GABRQ: variants seen among roughly 807,000 people sequenced by gnomAD.
GABRQ encodes the protein gamma-aminobutyric acid receptor subunit theta.
GABRQ carries 19 observed loss-of-function variants against 30.5 expected under a neutral mutation model. That is an observed-to-expected ratio of 0.62 (90% CI 0.43 to 0.91). The LOEUF (loss-of-function observed/expected upper bound fraction) is 0.91. Among genes scored for constraint, GABRQ ranks in the 40% least tolerant of loss-of-function variants. The pLI, the probability that GABRQ is intolerant of heterozygous loss-of-function variation, is 0.00. For synonymous variants in GABRQ, 187 were observed against 210.2 expected (o/e 0.89, Z 0.95); for missense variants, 520 against 521.4 (o/e 1.00, Z 0.03).
At position 152,654,431 on chromosome X, in the gene GABRQ, A is replaced by G. The variant is rs782068030; in HGVS notation, c.*1150A>G. 3.6e-5 allele frequency: 4 copies of G among 111,849 alleles called. No homozygotes were observed. The highest frequency in any genetic ancestry group is 7.5e-5 in the Non-Finnish European group (4 of 53,154). 9.2% of individuals were successfully genotyped at this position (111,849 alleles called of 1,213,427 possible). ...GGAAAACGAATGGAGCTTATGCCGC[A>G]TGCTTGAGGACATGCAGCCAGTGAG... On this transcript the variant is annotated 3_prime_UTR_variant, in exon 9 of 9. Coordinates refer to ENST00000598523, the MANE Select transcript of GABRQ (RefSeq NM_018558.4).
In GABRQ at chrX:152,655,552, A is replaced by C. The variant is rs1931133484; in HGVS notation, c.*2271A>C. 2.7e-5 allele frequency: 3 copies of C among 112,436 alleles called. No individual in the cohort carries two copies. The highest frequency in any genetic ancestry group is 5.6e-5 in the Non-Finnish European group (3 of 53,319). The allele number at this position is 112,436 out of a possible 1,213,427, so 9.3% of individuals were successfully genotyped here. The stretch of plus-strand genomic sequence containing the variant: ...CACTTGTACAGTCACATACACATAC[A>C]CACACACAAATCTTGTACGACAGTT... On this transcript the variant is annotated 3_prime_UTR_variant, in exon 9 of 9. Coordinates refer to ENST00000598523, the MANE Select transcript of GABRQ (RefSeq NM_018558.4).
chrX:152,647,086 A>C lies in GABRQ; in HGVS notation c.445A>C (p.Lys149Gln), dbSNP rs898928431. The stretch of plus-strand genomic sequence containing the variant: ...CCCTGACTGCTACTTTCTGAACAGC[A>C]AGGATGCTTTCGTGCATGATGTGAC... ...WVPDCYFLNS[K>Q]DAFVHDVTVE... Residue 149 changes from lysine (K) to glutamine (Q), a missense_variant, in exon 4 of 9, where the codon AAG (lysine) becomes CAG (glutamine). By Grantham distance (53) the Lys-to-Gln change is moderately conservative. Coordinates refer to ENST00000598523, the MANE Select transcript of GABRQ (RefSeq NM_018558.4). The C allele has an allele frequency of 8.3e-7, 1 of 1,210,646 alleles. No homozygotes were observed. The highest frequency in any genetic ancestry group is 1.1e-6 in the Non-Finnish European group (1 of 894,414).
chrX:152,653,127 GC>G lies in GABRQ; in HGVS notation c.1751del (p.Pro584GlnfsTer109). On this transcript the variant is annotated frameshift_variant, in exon 9 of 9. Coordinates refer to ENST00000598523, the MANE Select transcript of GABRQ (RefSeq NM_018558.4). LOFTEE classifies it low-confidence loss of function (END_TRUNC). Reference sequence around the variant, plus strand: ...AGTAGCTCAGAGTCTGAGGATAGTTGCCCCCCAAGCCCTGGGTGCTCCTTCA... The same window carrying G: ...AGTAGCTCAGAGTCTGAGGATAGTTGCCCCCAAGCCCTGGGTGCTCCTTCA... ...KDSSSESEDS[C>X]PPSPGCSFTE... is the part of the protein sequence containing the mutation. 1 of 1,210,850 alleles carries G rather than the reference GC, an allele frequency of 8.3e-7. No homozygotes were observed. The highest frequency in any genetic ancestry group is 1.1e-6 in the Non-Finnish European group (1 of 894,528).
At chrX:152,645,416 A>G in intron 2 of GABRQ, 111 bp from the exon 3 acceptor site, 1 of 515,940 alleles carries the variant, frequency 1.9e-6, no homozygotes, top group Admixed American at 2.5e-5. Flanking sequence ...ACTCAGGATC[A>G]CACAACTAAC....
At chrX:152,645,805 A>G (rs781865282) in intron 3 of GABRQ, among the ~76,000 whole-genome samples, 1 of 112,841 alleles carries the variant, frequency 8.9e-6, no homozygotes, top group South Asian at 3.7e-4. Context: ...CAGATGGATT[A>G]TAGACTTAAA....
Position 152,647,162 on chromosome X carries a change from G to A in GABRQ, c.521G>A (p.Gly174Asp). 1.7e-6 allele frequency: 2 copies of A among 1,190,332 alleles called. No homozygotes were observed. Among genetic ancestry groups the A allele is most frequent in the Non-Finnish European group, 2.3e-6 (2 of 876,089 alleles). ...CACCCAGATGGAACGGTGCGGTACG[G>A]CATCCGGTGAGTCCCCTAGGGGTCT... ...QLHPDGTVRY[G>D]IRLTTTAACS... is the part of the protein sequence containing the mutation. Residue 174 changes from glycine to aspartate, a missense_variant, in exon 4 of 9, where the codon GGC (glycine) becomes GAC (aspartate). By Grantham distance (94) the Gly-to-Asp change is moderately conservative (BLOSUM62 -1). Transcript: ENST00000598523.
rs370072058 is a variant in GABRQ at position 152,637,957 on chromosome X, G to T, written c.-246G>T. ...CGCAGCTGCCGGGCGGGCCCTGGGG[G>T]GAGCTGCGTCCAGCAGAGCTGCTGG... is the stretch of plus-strand genomic sequence containing the variant. On this transcript the variant is annotated 5_prime_UTR_variant, in exon 1 of 9. Coordinates refer to ENST00000598523, the MANE Select transcript of GABRQ (RefSeq NM_018558.4). 2.6e-5 allele frequency among the ~76,000 whole-genome samples: 3 copies of T among 113,379 alleles called. No homozygotes were observed. Among genetic ancestry groups the T allele is most frequent in the Admixed American group, 1.8e-4 (2 of 10,881 alleles).
At position 152,647,110 on chromosome X, in the gene GABRQ, A is replaced by G. The variant is rs1930908353; in HGVS notation, c.469A>G (p.Thr157Ala). 8.3e-7 allele frequency: 1 copy of G among 1,209,441 alleles called. No individual in the cohort carries two copies. The highest frequency in any genetic ancestry group is 1.8e-5 in the African/African-American group (1 of 57,132). ...CAAGGATGCTTTCGTGCATGATGTGACTGTGGAGAATCGCGTGTTTCAGCT... is the reference window on the plus strand; with the variant it reads ...CAAGGATGCTTTCGTGCATGATGTGGCTGTGGAGAATCGCGTGTTTCAGCT... ...NSKDAFVHDV[T>A]VENRVFQLHP... The change falls in exon 4 of 9, where the codon ACT becomes GCT. Residue 157 changes from threonine to alanine, a missense_variant. Transcript: ENST00000598523.
At position 152,653,192 on chromosome X, in the gene GABRQ, G is replaced by A. The variant is rs782740545; in HGVS notation, c.1810G>A (p.Val604Ile). Reference protein sequence around the residue: ...FSFDLFNPDYVPKVDKWSRFL... With the variant: ...FSFDLFNPDYIPKVDKWSRFL... ...CTTCGATCTCTTTAATCCTGACTACGTCCCAAAGGTCGACAAGTGGTCCCG... is the reference window on the plus strand; with the variant it reads ...CTTCGATCTCTTTAATCCTGACTACATCCCAAAGGTCGACAAGTGGTCCCG... Residue 604 changes from valine to isoleucine, a missense_variant, in exon 9 of 9, where the codon GTC becomes ATC. Coordinates refer to ENST00000598523, the MANE Select transcript of GABRQ (RefSeq NM_018558.4). 7.5e-6 allele frequency: 9 copies of A among 1,206,561 alleles called. No individual in the cohort carries two copies. Among genetic ancestry groups the A allele is most frequent in the African/African-American group, 5.3e-5 (3 of 56,960 alleles).
intron 6 of GABRQ, 81 bp downstream of exon 6, chrX:152,649,960 T>A: frequency 1.3e-6 from 1 of 783,210 alleles, no homozygotes; most frequent in Non-Finnish European, 1.9e-6. Flanking sequence ...TGATTTTGGC[T>A]CCTATTCTCT....
Position 152,645,476 on chromosome X carries a change from C to T in GABRQ, c.239-51C>T, listed in dbSNP as rs1310296865. On this transcript the variant is annotated intron_variant, in intron 2 of 8. Transcript: ENST00000598523. ...AGGCAGCCTGGCTCCCAAGTTTATG[C>T]TCTTAACCTTTATTCTACCTTTCGT... 3.8e-6 allele frequency: 3 copies of T among 795,094 alleles called. No homozygotes were observed. The African/African-American group carries it at 6.0e-5, about 16-fold the overall frequency. 65.5% of individuals were successfully genotyped at this position (795,094 alleles called of 1,213,427 possible). A position where few individuals can be genotyped will look rare whatever the true frequency, so the allele number is the denominator to read the frequency against.
Position 152,652,839 on chromosome X carries a change from T to G in GABRQ, c.1457T>G (p.Val486Gly), listed in dbSNP as rs782397568. The change falls in exon 9 of 9, where the codon GTC becomes GGC. Residue 486 changes from valine (V) to glycine (G), a missense_variant. Val to Gly is a moderately radical substitution (Grantham distance 109). Coordinates refer to ENST00000598523, the MANE Select transcript of GABRQ (RefSeq NM_018558.4). ...SIIPTEIRNR[V>G]EAHGHGVTHD... Reference sequence around the variant, plus strand: ...ATTCCTACCGAAATCCGCAACCGTGTCGAAGCCCATGGCCATGGTGTTACC... The same window carrying G: ...ATTCCTACCGAAATCCGCAACCGTGGCGAAGCCCATGGCCATGGTGTTACC... 2 of 1,210,489 alleles carry G rather than the reference T, an allele frequency of 1.7e-6. No individual in the cohort carries two copies. Among genetic ancestry groups the G allele is most frequent in the Middle Eastern group, 2.3e-4 (1 of 4,354 alleles).
At chrX:152,642,790 G>A in intron 2 of GABRQ, among the ~76,000 whole-genome samples, 1 of 111,676 alleles carries the variant, frequency 9.0e-6, no homozygotes, top group Non-Finnish European at 1.9e-5. Flanking sequence ...TCCTTATCAG[G>A]ACGTTTCTCA....
intron 2 of GABRQ, among the ~76,000 whole-genome samples, chrX:152,643,692 A>G (rs1457922499): frequency 1.8e-5 from 2 of 112,355 alleles, no homozygotes; most frequent in African/African-American, 6.5e-5. Context: ...CACTAACACA[A>G]ACATTCACAC....
rs182192890 is a variant in GABRQ, at chrX:152,654,374, G to A, written c.*1093G>A. 6 of 112,143 alleles carry A rather than the reference G, an allele frequency of 5.4e-5. No individual in the cohort carries two copies. Among genetic ancestry groups the A allele is most frequent in the Non-Finnish European group, 9.4e-5 (5 of 53,183 alleles). 9.2% of individuals were successfully genotyped at this position (112,143 alleles called of 1,213,427 possible). A position where few individuals can be genotyped will look rare whatever the true frequency, so the allele number is the denominator to read the frequency against. ...CCTCACAGGAGCCCTGTAAGCCAGGGAAGGCAAAGCACATTGTCCCCAGTG... is the reference window on the plus strand; with the variant it reads ...CCTCACAGGAGCCCTGTAAGCCAGGAAAGGCAAAGCACATTGTCCCCAGTG... On this transcript the variant is annotated 3_prime_UTR_variant, in exon 9 of 9. Transcript: ENST00000598523.
rs782272412 is a variant in GABRQ, at chrX:152,652,716, C to T, written c.1334C>T (p.Ala445Val). Residue 445 changes from alanine to valine, a missense_variant, in exon 9 of 9, where the codon GCC becomes GTC. By Grantham distance (64) the Ala-to-Val change is moderately conservative. Transcript: ENST00000598523. The part of the protein sequence containing the change: ...LTSLSGQAPL[A>V]TGESLSDLPS... ...TCTCTCTCAGGCCAGGCCCCCCTGG[C>T]CACTGGAGAAAGCCTGAGCGATCTC... is the stretch of plus-strand genomic sequence containing the variant. The T allele has an allele frequency of 8.3e-7, 1 of 1,211,198 alleles. No individual in the cohort carries two copies. The highest frequency in any genetic ancestry group is 1.8e-5 in the South Asian group (1 of 56,975).
At position 152,655,529 on chromosome X, in the gene GABRQ, C is replaced by G. The variant is rs1298469136; in HGVS notation, c.*2248C>G. The G allele has an allele frequency of 8.9e-6, 1 of 112,673 alleles. No individual in the cohort carries two copies. Among genetic ancestry groups the G allele is most frequent in the Non-Finnish European group, 1.9e-5 (1 of 53,376 alleles). 9.3% of individuals were successfully genotyped at this position (112,673 alleles called of 1,213,427 possible). On this transcript the variant is annotated 3_prime_UTR_variant, in exon 9 of 9. Transcript: ENST00000598523. ...CTGAAAGAGGCATTGAGAATAGACA[C>G]TTGTACAGTCACATACACATACACA...
downstream of GABRQ, among the ~76,000 whole-genome samples, chrX:152,658,915 C>A (rs1182696878): frequency 1.8e-5 from 2 of 111,705 alleles, no homozygotes; most frequent in Non-Finnish European, 3.8e-5. Flanking sequence ...GAAAGTGAAA[C>A]CTCCACCTTC....
At chrX:152,644,647 C>G (rs1396800825) in intron 2 of GABRQ, among the ~76,000 whole-genome samples, 1 of 111,984 alleles carries the variant, frequency 8.9e-6, no homozygotes, top group African/African-American at 3.2e-5. Context: ...TGGACATACT[C>G]ACAAATCCAC....
Sources: allele counts gnomAD v4.1 joint callset (sites outside exome capture counted in the v4.1 genomes callset), GRCh38; gene constraint gnomAD v4.1.1; transcripts MANE v1.5; gene names NCBI Gene and HGNC (gene_info 2026-07-23, HGNC 2026-07-21).